CSMD1: variants seen among roughly 807,000 people sequenced by gnomAD.
The protein encoded by CSMD1 is CUB and sushi domain-containing protein 1.
CSMD1 carries 213 observed loss-of-function variants against 417.5 expected under a neutral mutation model. The ratio of observed to expected loss-of-function variants is 0.51; its 90% confidence interval spans 0.46 to 0.57. The LOEUF (loss-of-function observed/expected upper bound fraction) is 0.57. Ranked by LOEUF, CSMD1 falls within the 20% of genes least tolerant of loss-of-function variation. CSMD1 has a pLI of 0.00. For synonymous variants in CSMD1, 2,862 were observed against 1,736.8 expected, an observed-to-expected ratio of 1.65 and a Z score of -16.11; for missense variants, 6,923 against 4,529.7, an observed-to-expected ratio of 1.53 and a Z score of -15.17.
intron 1 of CSMD1, among the ~76,000 whole-genome samples, chr8:4,708,067 T>C (rs1213960622): frequency 6.6e-6 from 1 of 152,156 alleles, no homozygotes; most frequent in African/African-American, 2.4e-5. Flanking sequence ...CCTCAGCCTC[T>C]GCAGTAGCTG....
chr8:4,621,065 AG>A (rs1801752928), intron 2 of CSMD1, among the ~76,000 whole-genome samples: 1 of 152,092 alleles, frequency 6.6e-6, no homozygotes, highest in East Asian at 1.9e-4. Context: ...TCAGACCTGA[AG>A]TGGACTTAGA....
At chr8:3,740,320 G>C (rs1317377003) in intron 6 of CSMD1, among the ~76,000 whole-genome samples, 2 of 152,098 alleles carry the variant, frequency 1.3e-5, no homozygotes, top group African/African-American at 4.8e-5. Flanking sequence ...TGGACAGGCT[G>C]GTCTCGAACT....
intron 5 of CSMD1, among the ~76,000 whole-genome samples, chr8:3,928,602 T>C (rs1295682112): frequency 1.3e-5 from 2 of 150,796 alleles, no homozygotes; most frequent in African/African-American, 4.9e-5. Context: ...ATATAATAGA[T>C]GATGTCATAA....
At chr8:4,031,047 T>C (rs996531373) in intron 4 of CSMD1, among the ~76,000 whole-genome samples, 1 of 152,152 alleles carries the variant, frequency 6.6e-6, no homozygotes, top group Non-Finnish European at 1.5e-5. Context: ...CATCAGCACT[T>C]TGGTCAAAGC....
Position 3,408,091 on chromosome 8 carries a change from T to A in CSMD1, c.1879A>T (p.Asn627Tyr). The A allele has an allele frequency of 6.2e-7, 1 of 1,613,876 alleles. No individual in the cohort carries two copies. The highest frequency in any genetic ancestry group is 8.5e-7 in the Non-Finnish European group (1 of 1,179,862). Residue 627 changes from asparagine (N) to tyrosine (Y), a missense_variant, in exon 14 of 70, where the codon AAT becomes TAT. Physicochemically the swap from Asn to Tyr is moderately radical, Grantham distance 143. Transcript: ENST00000635120. Reference protein sequence around the residue: ...EPGSRIHLIFNDFDVEPQFDF... With the variant: ...EPGSRIHLIFYDFDVEPQFDF... ...AACTGAGGCTCAACATCAAAATCAT[T>A]AAAGATTAGGTGAATTCGACTTCCT...
chr8:4,468,704 C>G (rs1240414457), intron 2 of CSMD1, among the ~76,000 whole-genome samples: 1 of 152,134 alleles, frequency 6.6e-6, no homozygotes, highest in Non-Finnish European at 1.5e-5. Flanking sequence ...GAGTGTTTAG[C>G]ATAATTCAAA....
chr8:3,830,626 T>C (rs148430410), intron 5 of CSMD1, among the ~76,000 whole-genome samples: 162 of 152,274 alleles, frequency 1.1e-3, no homozygotes, highest in Middle Eastern at 3.4e-3. Flanking sequence ...ATTGATTTAA[T>C]GCTCTGCCAT....
chr8:4,529,371 C>A (rs1796679374), intron 2 of CSMD1, among the ~76,000 whole-genome samples: 1 of 152,116 alleles, frequency 6.6e-6, no homozygotes, highest in Non-Finnish European at 1.5e-5. Flanking sequence ...TATGTTTGCT[C>A]AAATGTAAAT....
chr8:4,457,238 C>T (rs1296589774), intron 2 of CSMD1, among the ~76,000 whole-genome samples: 1 of 152,108 alleles, frequency 6.6e-6, no homozygotes, highest in East Asian at 1.9e-4. Context: ...TTCCCATTCT[C>T]AACCAAGTGG....
chr8:3,659,594 T>G lies in CSMD1; in HGVS notation c.1010-42797A>C, dbSNP rs1327698410. ...TAGCAAAAATGATTCAACTGTGAAT[T>G]GGTCCCTTTGGGATTTCCCACTAGA... On this transcript the variant is annotated intron_variant, in intron 7 of 69. Transcript: ENST00000635120. 2.6e-5 allele frequency among the ~76,000 whole-genome samples: 4 copies of G among 152,192 alleles called. No individual in the cohort carries two copies. The East Asian group carries it at 7.7e-4, about 29-fold the overall frequency.
chr8:3,718,497 C>A (rs1801966101), intron 6 of CSMD1, among the ~76,000 whole-genome samples: 1 of 152,208 alleles, frequency 6.6e-6, no homozygotes, highest in East Asian at 1.9e-4. Flanking sequence ...TACTTACTTA[C>A]AATGTGAACC....
intron 3 of CSMD1, among the ~76,000 whole-genome samples, chr8:4,223,045 C>T (rs1417265826): frequency 1.3e-5 from 2 of 152,036 alleles, no homozygotes; most frequent in Non-Finnish European, 2.9e-5. Context: ...CAACAGGCTT[C>T]CTACATTGGA....
At chr8:3,666,508 C>A (rs1159410229) in intron 7 of CSMD1, among the ~76,000 whole-genome samples, 1 of 152,200 alleles carries the variant, frequency 6.6e-6, no homozygotes, top group Non-Finnish European at 1.5e-5. Flanking sequence ...TACACATCAT[C>A]TATTCTTTCA....
chr8:4,701,036 C>T (rs1408851022), intron 1 of CSMD1, among the ~76,000 whole-genome samples: 2 of 152,080 alleles, frequency 1.3e-5, no homozygotes, highest in Admixed American at 1.3e-4. Context: ...AACTAGTGAA[C>T]AAAGTATGAG....
At chr8:3,664,842 G>A (rs1269020122) in intron 7 of CSMD1, among the ~76,000 whole-genome samples, 4 of 152,216 alleles carry the variant, frequency 2.6e-5, no homozygotes, top group Non-Finnish European at 4.4e-5. Flanking sequence ...AAGTTTAGCA[G>A]TAAAGCCAGA....
intron 3 of CSMD1, among the ~76,000 whole-genome samples, chr8:4,222,592 T>C (rs905555888): frequency 1.3e-5 from 2 of 152,184 alleles, no homozygotes; most frequent in Non-Finnish European, 2.9e-5. Flanking sequence ...AATCTGATTG[T>C]CCGAAGCCTG....
chr8:4,132,633 G>C (rs1477627502), intron 3 of CSMD1, among the ~76,000 whole-genome samples: 2 of 152,060 alleles, frequency 1.3e-5, no homozygotes, highest in African/African-American at 2.4e-5. Context: ...TTCATTCTAA[G>C]CCAAATAAAT....
chr8:3,444,938 GA>G, intron 12 of CSMD1, among the ~76,000 whole-genome samples: 1 of 152,236 alleles, frequency 6.6e-6, no homozygotes, highest in Non-Finnish European at 1.5e-5. Context: ...CTCCTGATGG[GA>G]GAAAACACCA....
At chr8:3,461,981 G>A (rs1816534586) in intron 12 of CSMD1, among the ~76,000 whole-genome samples, 1 of 152,176 alleles carries the variant, frequency 6.6e-6, no homozygotes, top group Non-Finnish European at 1.5e-5. Context: ...TGAGGTGAGT[G>A]TGTGTTACAC....
Sources: gnomAD v4.1 joint callset for allele counts (sites outside exome capture counted in the v4.1 genomes callset) on GRCh38, gnomAD v4.1.1 for gene constraint, MANE v1.5 for transcripts, NCBI Gene and HGNC (gene_info 2026-07-23, HGNC 2026-07-21) for gene names.